The following PUM1 variants were observed in gnomAD, a reference collection of about 807,000 sequenced individuals.
PUM1 encodes pumilio homolog 1.
A neutral mutation model predicts 131.8 loss-of-function variants in PUM1; 13 were observed. That is an observed-to-expected ratio of 0.10 (90% CI 0.06 to 0.16). The LOEUF is 0.16. PUM1 is among the 10% of genes least tolerant of loss of function. The pLI, the probability that PUM1 is intolerant of heterozygous loss-of-function variation, is 1.00. For missense variants in PUM1, 961 were observed against 1,512.4 expected (o/e 0.64, Z 6.05); for synonymous variants, 509 against 556.5 (o/e 0.91, Z 1.20).
At chr1:31,032,366 T>A (rs1333556412) in intron 2 of PUM1, among the ~76,000 whole-genome samples, 1 of 152,152 alleles carries the variant, frequency 6.6e-6, no homozygotes, top group Non-Finnish European at 1.5e-5. Context: ...AAGGGAGAAG[T>A]ATTTTCCATG....
intron 20 of PUM1, among the ~76,000 whole-genome samples, chr1:30,938,468 G>C (rs1333009001): frequency 6.6e-6 from 1 of 152,168 alleles, no homozygotes; most frequent in African/African-American, 2.4e-5. Context: ...GACCAAGCTG[G>C]TCTGGAACTC....
intron 7 of PUM1, among the ~76,000 whole-genome samples, chr1:30,989,692 C>G (rs550118027): frequency 9.3e-5 from 14 of 150,720 alleles, no homozygotes; most frequent in African/African-American, 3.4e-4. Flanking sequence ...CATAAATGGT[C>G]TCATCACTTG....
At chr1:31,053,178 T>C (rs984080451) in intron 2 of PUM1, among the ~76,000 whole-genome samples, 2 of 151,342 alleles carry the variant, frequency 1.3e-5, no homozygotes, top group African/African-American at 4.9e-5. Context: ...GGCTAATTTT[T>C]GTATTTTTAG....
intron 14 of PUM1, among the ~76,000 whole-genome samples, chr1:30,961,783 G>C (rs546581381): frequency 6.6e-6 from 1 of 151,994 alleles, no homozygotes; most frequent in Non-Finnish European, 1.5e-5. Context: ...CTAGTTTTGT[G>C]GTCGATATCA....
chr1:30,975,118 T>C (rs927946414), intron 9 of PUM1, among the ~76,000 whole-genome samples: 1 of 152,042 alleles, frequency 6.6e-6, no homozygotes, highest in African/African-American at 2.4e-5. Flanking sequence ...ATAGAGACAA[T>C]ATCTGTTGGT....
intron 20 of PUM1, among the ~76,000 whole-genome samples, chr1:30,939,321 A>T (rs1253491520): frequency 6.6e-6 from 1 of 152,190 alleles, no homozygotes; most frequent in Non-Finnish European, 1.5e-5. Flanking sequence ...ATCCCAGTTC[A>T]ATTCTTTCAG....
intron 6 of PUM1, among the ~76,000 whole-genome samples, chr1:30,994,709 G>A (rs1306487672): frequency 6.6e-6 from 1 of 152,146 alleles, no homozygotes; most frequent in Non-Finnish European, 1.5e-5. Flanking sequence ...TCTCTAATAC[G>A]GTAATTTGGG....
At position 30,992,607 on chromosome 1, in the gene PUM1, G is replaced by C; in HGVS notation, c.941C>G (p.Pro314Arg). The C allele has an allele frequency of 1.2e-6, 2 of 1,614,146 alleles. No homozygotes were observed. Among genetic ancestry groups the C allele is most frequent in the Non-Finnish European group, 1.7e-6 (2 of 1,180,004 alleles). ...NSANEVDLLG[P>R]NQNGSEGLAQ... ...TAAGCCCTCAGAACCATTCTGGTTTGGACCCAGAAGATCCACTTCATTAGC... is the reference window on the plus strand; with the variant it reads ...TAAGCCCTCAGAACCATTCTGGTTTCGACCCAGAAGATCCACTTCATTAGC... The change falls in exon 7 of 22, where the codon CCA becomes CGA. Residue 314 changes from proline to arginine, a missense_variant. Transcript: ENST00000426105.
At position 30,945,335 on chromosome 1, in the gene PUM1, G is replaced by A. The variant is rs752217283; in HGVS notation, c.2994+11C>T. 14 of 1,613,100 alleles carry A rather than the reference G, an allele frequency of 8.7e-6. No homozygotes were observed. The highest frequency in any genetic ancestry group is 1.6e-4 in the Middle Eastern group (1 of 6,080). ...AATTTGTTTCCATTATTTCTCTCCT[G>A]GGTCACTTACCTGTCCCTTAAACGC... On this transcript the variant is annotated intron_variant, in intron 18 of 21. Coordinates refer to ENST00000426105, the MANE Select transcript of PUM1 (RefSeq NM_001020658.2).
intron 3 of PUM1, among the ~76,000 whole-genome samples, chr1:31,007,822 A>C (rs1348273036): frequency 6.6e-6 from 1 of 152,246 alleles, no homozygotes; most frequent in African/African-American, 2.4e-5. Flanking sequence ...TGAGAAGTTT[A>C]TACTAGCTTC....
intron 3 of PUM1, among the ~76,000 whole-genome samples, chr1:31,019,536 T>C (rs1642946538): frequency 6.6e-6 from 1 of 152,192 alleles, no homozygotes; most frequent in African/African-American, 2.4e-5. Context: ...TCAAAAGATA[T>C]CATTCATACT....
chr1:30,981,505 C>T (rs1455382583), intron 7 of PUM1, 100 bp from the exon 8 acceptor site: 9 of 608,438 alleles, frequency 1.5e-5, no homozygotes, highest in Non-Finnish European at 2.1e-5. Context: ...CTTGTTTAGG[C>T]GTGACACCTT....
intron 17 of PUM1, 50 bp from the exon 18 acceptor site, chr1:30,945,533 G>A: frequency 6.3e-7 from 1 of 1,598,908 alleles, no homozygotes; most frequent in Non-Finnish European, 8.6e-7. Flanking sequence ...GCAAACATGT[G>A]GACAAATAAT....
intron 12 of PUM1, 50 bp from the exon 13 acceptor site, chr1:30,966,328 T>C (rs373820857): frequency 1.6e-5 from 24 of 1,499,478 alleles, no homozygotes; most frequent in Admixed American, 4.6e-5. Context: ...CTGGCCACAT[T>C]TCCAAACTAC....
At chr1:30,986,100 T>C (rs2124476604) in intron 7 of PUM1, among the ~76,000 whole-genome samples, 1 of 152,200 alleles carries the variant, frequency 6.6e-6, no homozygotes, top group Non-Finnish European at 1.5e-5. Flanking sequence ...GATTACAGGC[T>C]TGCGCCACCA....
intron 20 of PUM1, among the ~76,000 whole-genome samples, 189 bp downstream of exon 20, chr1:30,940,962 T>C (rs1387329131): frequency 6.6e-6 from 1 of 152,222 alleles, no homozygotes; most frequent in African/African-American, 2.4e-5. Flanking sequence ...TGGCTGACTC[T>C]ATCAGAGTAA....
intron 6 of PUM1, among the ~76,000 whole-genome samples, chr1:30,994,008 T>C (rs1641896711): frequency 6.6e-6 from 1 of 152,154 alleles, no homozygotes; most frequent in Non-Finnish European, 1.5e-5. Flanking sequence ...AGGTGGTGGC[T>C]GCAGTGAGCT....
intron 10 of PUM1, among the ~76,000 whole-genome samples, chr1:30,971,689 G>T (rs1275540907): frequency 6.6e-6 from 1 of 152,062 alleles, no homozygotes; most frequent in African/African-American, 2.4e-5. Flanking sequence ...TTCCTCAATC[G>T]ATTTCCTCTC....
chr1:31,005,305 C>T (rs1642360579), intron 5 of PUM1, among the ~76,000 whole-genome samples: 1 of 152,144 alleles, frequency 6.6e-6, no homozygotes, highest in Non-Finnish European at 1.5e-5. Context: ...AAAGAATTAA[C>T]AGAATCCCTA....
Sources: gnomAD v4.1 joint callset for allele counts (sites outside exome capture counted in the v4.1 genomes callset) on GRCh38, gnomAD v4.1.1 for gene constraint, MANE v1.5 for transcripts, NCBI Gene and HGNC (gene_info 2026-07-23, HGNC 2026-07-21) for gene names.